ENOX1: variants seen among roughly 807,000 people sequenced by gnomAD.
ENOX1 encodes ecto-NOX disulfide-thiol exchanger 1.
Under a neutral mutation model 82.5 loss-of-function variants are expected in ENOX1, and 42 were observed. The ratio of observed to expected loss-of-function variants is 0.51; its 90% CI spans 0.40 to 0.66. The LOEUF (loss-of-function observed/expected upper bound fraction) is 0.66. Ranked by LOEUF, ENOX1 falls within the 30% of genes least tolerant of loss-of-function variation. ENOX1 has a pLI of 0.00. For synonymous variants in ENOX1, 271 were observed against 282.2 expected (o/e 0.96, Z 0.40); for missense variants, 608 against 811.6 (o/e 0.75, Z 3.05).
At chr13:43,714,498 A>G (rs1335801313) in intron 1 of ENOX1, among the ~76,000 whole-genome samples, 3 of 152,116 alleles carry the variant, frequency 2.0e-5, no homozygotes, top group East Asian at 1.9e-4. Flanking sequence ...TGATCTGTCT[A>G]ATGTTGACAG....
intron 2 of ENOX1, among the ~76,000 whole-genome samples, chr13:43,495,383 C>G (rs1197473145): frequency 1.3e-5 from 2 of 152,034 alleles, no homozygotes; most frequent in Non-Finnish European, 2.9e-5. Context: ...ATGGCTTTGC[C>G]TATACTTGAA....
intron 2 of ENOX1, among the ~76,000 whole-genome samples, chr13:43,644,407 T>TAAC (rs1433269150): frequency 1.3e-5 from 2 of 152,198 alleles, no homozygotes; most frequent in African/African-American, 4.8e-5. Context: ...CATTAGCATC[T>TAAC]AACAATTTAT....
At chr13:43,531,681 CCAA>C (rs1471709703) in intron 2 of ENOX1, among the ~76,000 whole-genome samples, 1 of 145,950 alleles carries the variant, frequency 6.9e-6, no homozygotes, top group Admixed American at 7.0e-5. Flanking sequence ...ACCCAAATGT[CCAA>C]CAACGATAGA....
intron 1 of ENOX1, among the ~76,000 whole-genome samples, chr13:43,742,654 G>A (rs1011295614): frequency 2.6e-5 from 4 of 152,182 alleles, no homozygotes; most frequent in African/African-American, 9.7e-5. Flanking sequence ...CTTTGGCCTT[G>A]TCAAGTTGAC....
At position 43,471,531 on chromosome 13, in the gene ENOX1, C is replaced by A. The variant is rs142200422; in HGVS notation, c.-75+12478G>T. ...TAACTTGCTTTGAAATGTGTCCAAG[C>A]CAGAAGTGGTGGCTCACACCTGTAA... On this transcript the variant is annotated intron_variant, in intron 3 of 16. Coordinates refer to ENST00000690772, the MANE Select transcript of ENOX1 (RefSeq NM_001347969.2). Among the ~76,000 whole-genome samples, 15 of 152,092 alleles carry A rather than the reference C, an allele frequency of 9.9e-5. No individual in the cohort carries two copies. The East Asian group carries it at 2.7e-3, about 27-fold the overall frequency.
In ENOX1 at chr13:43,470,317, CACATATATATATGTATATATAT is replaced by C. The variant is rs1566306260; in HGVS notation, c.-75+13670_-75+13691del. On this transcript the variant is annotated intron_variant, in intron 3 of 16. Transcript: ENST00000690772. ...ATACACATATATATACATATATATA[CACATATATATATGTATATATAT>C]ACGTATATATATATGTATATATATA... Among the ~76,000 whole-genome samples the C allele has an allele frequency of 4.3e-4, 18 of 42,148 alleles. 1 individual carries two copies. Among genetic ancestry groups the C allele is most frequent in the Admixed American group, 1.1e-3 (5 of 4,374 alleles). The allele number at this position is 42,148 out of a possible 152,430, so 27.7% of individuals were successfully genotyped here.
chr13:43,241,926 C>A (rs1026903576), intron 14 of ENOX1, among the ~76,000 whole-genome samples: 1 of 152,174 alleles, frequency 6.6e-6, no homozygotes, highest in Non-Finnish European at 1.5e-5. Context: ...TCTCCACCTA[C>A]CCAAGCCCCT....
At chr13:43,779,469 C>T (rs774169761) in intron 1 of ENOX1, among the ~76,000 whole-genome samples, 31 of 152,250 alleles carry the variant, frequency 2.0e-4, no homozygotes, top group Non-Finnish European at 4.0e-4. Context: ...TCCCCACACA[C>T]GGGAGAGAAA....
chr13:43,655,737 G>A (rs2084400613), intron 2 of ENOX1, among the ~76,000 whole-genome samples: 1 of 152,126 alleles, frequency 6.6e-6, no homozygotes, highest in Non-Finnish European at 1.5e-5. Context: ...ACACTCCCTT[G>A]CTCTCCAAGG....
chr13:43,669,947 C>T (rs2085175340), intron 1 of ENOX1, among the ~76,000 whole-genome samples: 1 of 152,138 alleles, frequency 6.6e-6, no homozygotes. Flanking sequence ...AGGTTTCATT[C>T]TACCCCTGGT....
chr13:43,520,446 A>G (rs1351842916), intron 2 of ENOX1, among the ~76,000 whole-genome samples: 1 of 152,174 alleles, frequency 6.6e-6, no homozygotes, highest in Non-Finnish European at 1.5e-5. Context: ...TTTTATGACA[A>G]TGTTTTATTT....
At chr13:43,563,384 G>T (rs557593376) in intron 2 of ENOX1, among the ~76,000 whole-genome samples, 46 of 151,948 alleles carry the variant, frequency 3.0e-4, no homozygotes, top group Non-Finnish European at 5.0e-4. Context: ...GGGTTACAGA[G>T]AAAACAGTTA....
chr13:43,393,219 C>T (rs1216406135), intron 5 of ENOX1, among the ~76,000 whole-genome samples: 2 of 152,126 alleles, frequency 1.3e-5, no homozygotes, highest in Non-Finnish European at 2.9e-5. Context: ...ACAAGTGATT[C>T]CAAGAAACTT....
At chr13:43,782,648 GTTATA>G (rs1331744488) in intron 1 of ENOX1, among the ~76,000 whole-genome samples, 5 of 152,120 alleles carry the variant, frequency 3.3e-5, no homozygotes, top group African/African-American at 9.7e-5. Context: ...TACTTAAGGA[GTTATA>G]TTAAAGTTAA....
At chr13:43,344,772 G>T in intron 8 of ENOX1, 22 bp from the exon 9 acceptor site, 1 of 1,605,308 alleles carries the variant, frequency 6.2e-7, no homozygotes, top group Non-Finnish European at 8.5e-7. Flanking sequence ...AAACCACCAA[G>T]TACAAATCAT....
chr13:43,262,001 C>T (rs958654163), intron 14 of ENOX1, among the ~76,000 whole-genome samples: 2 of 151,804 alleles, frequency 1.3e-5, no homozygotes, highest in Non-Finnish European at 2.9e-5. Context: ...AAAAAAAAAT[C>T]ATGTCTTTGA....
chr13:43,678,389 A>G (rs527281498), intron 1 of ENOX1, among the ~76,000 whole-genome samples: 8 of 152,336 alleles, frequency 5.3e-5, no homozygotes, highest in African/African-American at 1.9e-4. Context: ...GTAACATAGT[A>G]TCCTGTAGTT....
intron 12 of ENOX1, among the ~76,000 whole-genome samples, chr13:43,289,992 A>G (rs1216885200): frequency 1.3e-5 from 2 of 152,244 alleles, no homozygotes; most frequent in Admixed American, 6.5e-5. Context: ...ATCACTAATC[A>G]TCAGAGAAAT....
chr13:43,734,673 C>T (rs755068814), intron 1 of ENOX1, among the ~76,000 whole-genome samples: 1 of 152,176 alleles, frequency 6.6e-6, no homozygotes, highest in African/African-American at 2.4e-5. Flanking sequence ...AGCACATAGG[C>T]AATGACAACT....
Sources: gnomAD v4.1 joint callset for allele counts (sites outside exome capture counted in the v4.1 genomes callset) on GRCh38, gnomAD v4.1.1 for gene constraint, MANE v1.5 for transcripts, NCBI Gene and HGNC (gene_info 2026-07-23, HGNC 2026-07-21) for gene names.